FBXO8: variants seen among roughly 807,000 people sequenced by gnomAD.
The protein encoded by FBXO8 is F-box only protein 8.
FBXO8 carries 15 observed loss-of-function variants against 33.4 expected under a neutral mutation model. That is an observed-to-expected ratio of 0.45 (90% CI 0.30 to 0.69). The LOEUF (loss-of-function observed/expected upper bound fraction) is 0.69. Among genes scored for constraint, FBXO8 ranks in the 30% least tolerant of loss-of-function variants. The probability of loss-of-function intolerance (pLI) is 0.08; values close to 1 mark genes in which losing one functional copy is unlikely to be tolerated. For synonymous variants in FBXO8, 132 were observed against 131.5 expected (o/e 1.00, Z -0.02); for missense variants, 274 against 380.3 (o/e 0.72, Z 2.32).
At chr4:174,266,190 T>C (rs961420237) in intron 1 of FBXO8, among the ~76,000 whole-genome samples, 1 of 152,062 alleles carries the variant, frequency 6.6e-6, no homozygotes, top group Non-Finnish European at 1.5e-5. Context: ...CTGGATAATA[T>C]GATTCAGAAA....
At position 174,255,106 on chromosome 4, in the gene FBXO8, G is replaced by A. The variant is rs943256132; in HGVS notation, c.456+4593C>T. 6.6e-6 allele frequency among the ~76,000 whole-genome samples: 1 copy of A among 152,080 alleles called. No homozygotes were observed. The highest frequency in any genetic ancestry group is 6.6e-5 in the Admixed American group (1 of 15,240). On this transcript the variant is annotated intron_variant, in intron 3 of 5. Transcript: ENST00000393674. This position sits in a 1 kb window ranked among gnomAD's most constrained non-coding sequence, Gnocchi z 4.3. ...AAGCCAACTAATCATAATCTATCATGTTCAAATTAGACTTAAGAATTCCTT... is the reference window on the plus strand; with the variant it reads ...AAGCCAACTAATCATAATCTATCATATTCAAATTAGACTTAAGAATTCCTT...
intron 1 of FBXO8, among the ~76,000 whole-genome samples, chr4:174,276,639 C>T (rs1398427129): frequency 3.3e-5 from 5 of 152,082 alleles, no homozygotes; most frequent in Admixed American, 1.3e-4. Flanking sequence ...AGTGCAGTGG[C>T]GTGTAGATCT....
At position 174,247,339 on chromosome 4, in the gene FBXO8, T is replaced by C. The variant is rs1736183339; in HGVS notation, c.457-6121A>G. On this transcript the variant is annotated intron_variant, in intron 3 of 5. Coordinates refer to ENST00000393674, the MANE Select transcript of FBXO8 (RefSeq NM_012180.3). This position sits in a 1 kb window ranked among gnomAD's most constrained non-coding sequence, Gnocchi z 4.6. ...CCTAAAGAACAACATAGTAAAGAAATTTAGAAAAAAATTTGATTTAGCAAG... is the reference window on the plus strand; with the variant it reads ...CCTAAAGAACAACATAGTAAAGAAACTTAGAAAAAAATTTGATTTAGCAAG... Among the ~76,000 whole-genome samples the C allele has an allele frequency of 1.3e-5, 2 of 151,964 alleles. No individual in the cohort carries two copies. The highest frequency in any genetic ancestry group is 4.1e-4 in the South Asian group (2 of 4,824).
Position 174,281,582 on chromosome 4 carries a change from G to C in FBXO8, c.-9+1828C>G, listed in dbSNP as rs115516077. On this transcript the variant is annotated intron_variant, in intron 1 of 5. Transcript: ENST00000393674. The surrounding 1 kb of genome is among the most constrained non-coding windows in gnomAD (Gnocchi z 4.6). ...GTGTGCCTGTGGTCCCAGGTACTCT[G>C]AAGGCTGAGGTGGGAGGGAGAATTG... Among the ~76,000 whole-genome samples the C allele has an allele frequency of 8.9e-3, 1,361 of 152,226 alleles. 7 individuals are homozygous for C. Among genetic ancestry groups the C allele is most frequent in the Non-Finnish European group, 0.014 (977 of 68,004 alleles).
At position 174,267,471 on chromosome 4, in the gene FBXO8, C is replaced by CAGG. The variant is rs566956831; in HGVS notation, c.-8-4374_-8-4372dup. On this transcript the variant is annotated intron_variant, in intron 1 of 5. Transcript: ENST00000393674. The surrounding 1 kb of genome is among the most constrained non-coding windows in gnomAD (Gnocchi z 4.7). The stretch of plus-strand genomic sequence containing the variant: ...CTGAGGCAGGAAGATCACTTGAGCT[C>CAGG]AGGAGTTTGAGGTTATAGTGAGCTA... 3.3e-5 allele frequency among the ~76,000 whole-genome samples: 5 copies of CAGG among 152,198 alleles called. No homozygotes were observed. The East Asian group carries it at 9.6e-4, about 29-fold the overall frequency.
Position 174,252,253 on chromosome 4 carries a change from G to A in FBXO8, c.456+7446C>T, listed in dbSNP as rs1736303351. Among the ~76,000 whole-genome samples, 1 of 152,072 alleles carries A rather than the reference G, an allele frequency of 6.6e-6. No homozygotes were observed. The highest frequency in any genetic ancestry group is 1.9e-4 in the East Asian group (1 of 5,192). ...CAAATTGCTAGGATGACAGGTGTGA[G>A]CCACTGACTGTACCCAGTTAGCAAT... is the stretch of plus-strand genomic sequence containing the variant. On this transcript the variant is annotated intron_variant, in intron 3 of 5. Transcript: ENST00000393674. This position sits in a 1 kb window ranked among gnomAD's most constrained non-coding sequence, Gnocchi z 5.1.
rs1736144383 is a variant in FBXO8, at chr4:174,245,759, C to A, written c.457-4541G>T. ...AAAAATAAATAGATAGCGGGCTATA[C>A]AACTGTATATGTTACATATATGTTA... On this transcript the variant is annotated intron_variant, in intron 3 of 5. Transcript: ENST00000393674. This position sits in a 1 kb window ranked among gnomAD's most constrained non-coding sequence, Gnocchi z 4.6. Among the ~76,000 whole-genome samples the A allele has an allele frequency of 6.6e-6, 1 of 151,864 alleles. No homozygotes were observed. Among genetic ancestry groups the A allele is most frequent in the South Asian group, 2.1e-4 (1 of 4,808 alleles).
rs1737004540 is a variant in FBXO8, at chr4:174,278,517, A to G, written c.-9+4893T>C. Among the ~76,000 whole-genome samples the G allele has an allele frequency of 6.6e-6, 1 of 152,134 alleles. No individual in the cohort carries two copies. Among genetic ancestry groups the G allele is most frequent in the Non-Finnish European group, 1.5e-5 (1 of 67,968 alleles). On this transcript the variant is annotated intron_variant, in intron 1 of 5. Transcript: ENST00000393674. The surrounding 1 kb of genome is among the most constrained non-coding windows in gnomAD (Gnocchi z 4.1). ...ATTCAATTTCTGTGGTTTGTTTTTC[A>G]AGAAATGCTCCATTGTCCAACTATT...
At position 174,263,141 on chromosome 4, in the gene FBXO8, A is replaced by T; in HGVS notation, c.-8-41T>A. 1 of 1,547,172 alleles carries T rather than the reference A, an allele frequency of 6.5e-7. No individual in the cohort carries two copies. Among genetic ancestry groups the T allele is most frequent in the East Asian group, 2.3e-5 (1 of 43,804 alleles). ...AATGTAATAAGGGTGACATTTAAAA[A>T]GTAACCCATTTTTCCCAGTGGTATA... is the stretch of plus-strand genomic sequence containing the variant. On this transcript the variant is annotated intron_variant, in intron 1 of 5. Coordinates refer to ENST00000393674, the MANE Select transcript of FBXO8 (RefSeq NM_012180.3). The surrounding 1 kb of genome is among the most constrained non-coding windows in gnomAD (Gnocchi z 4.2).
chr4:174,238,993 C>A lies in FBXO8; in HGVS notation c.772+1G>T. The A allele has an allele frequency of 3.9e-6, 6 of 1,540,494 alleles. No individual in the cohort carries two copies. The highest frequency in any genetic ancestry group is 5.3e-6 in the Non-Finnish European group (6 of 1,140,900). ...TGTACTATTAATATATATATTCTTA[C>A]CAGGACTAAGGCCAAGTTCTCGCAT... is the stretch of plus-strand genomic sequence containing the variant. On this transcript the variant is annotated splice_donor_variant, in intron 5 of 5. Transcript: ENST00000393674. LOFTEE classifies it high-confidence loss of function.
rs1200460787 is a variant in FBXO8, at chr4:174,265,058, A to G, written c.-8-1958T>C. The stretch of plus-strand genomic sequence containing the variant: ...ATGTCGTGAGGGAACTGAAAATAAC[A>G]TAACTATGAGATACTACTACACACC... On this transcript the variant is annotated intron_variant, in intron 1 of 5. Transcript: ENST00000393674. This position sits in a 1 kb window ranked among gnomAD's most constrained non-coding sequence, Gnocchi z 4.7. 2.0e-5 allele frequency among the ~76,000 whole-genome samples: 3 copies of G among 152,158 alleles called. No individual in the cohort carries two copies. The highest frequency in any genetic ancestry group is 4.8e-5 in the African/African-American group (2 of 41,448).
rs764657780 is a variant in FBXO8 at position 174,241,994 on chromosome 4, C to T, written c.457-776G>A. 2.1e-4 allele frequency among the ~76,000 whole-genome samples: 32 copies of T among 151,512 alleles called. No individual in the cohort carries two copies. Among genetic ancestry groups the T allele is most frequent in the Non-Finnish European group, 3.4e-4 (23 of 67,610 alleles). On this transcript the variant is annotated intron_variant, in intron 3 of 5. Transcript: ENST00000393674. The surrounding 1 kb of genome is among the most constrained non-coding windows in gnomAD (Gnocchi z 4.2). Reference sequence around the variant, plus strand: ...CAACAAAAAAATCAAATGCTGAAAACAGTATTCTCTCACATATACAGAGGT... The same window carrying T: ...CAACAAAAAAATCAAATGCTGAAAATAGTATTCTCTCACATATACAGAGGT...
intron 1 of FBXO8, among the ~76,000 whole-genome samples, chr4:174,268,349 A>G (rs535081351): frequency 9.8e-5 from 15 of 152,314 alleles, no homozygotes; most frequent in Non-Finnish European, 1.9e-4. Context: ...CTTATCTAAC[A>G]TGTATTTTAT....
intron 3 of FBXO8, among the ~76,000 whole-genome samples, chr4:174,242,379 A>AG (rs1310963027): frequency 1.3e-5 from 2 of 151,672 alleles, no homozygotes; most frequent in East Asian, 3.9e-4. Flanking sequence ...TTAAGTAATT[A>AG]GGTACCACGA....
rs1737187076 is a variant in FBXO8, at chr4:174,283,317, TG to T, written c.-9+92del. ...TGCTGGTCGGCCAGTTTCGGCCAAC[TG>T]GCAAGCACTGGTTGTCTTTATTTTC... On this transcript the variant is annotated intron_variant, in intron 1 of 5. Transcript: ENST00000393674. The surrounding 1 kb of genome is among the most constrained non-coding windows in gnomAD (Gnocchi z 6.7). 6.5e-6 allele frequency: 1 copy of T among 152,686 alleles called. No homozygotes were observed. Among genetic ancestry groups the T allele is most frequent in the Admixed American group, 6.5e-5 (1 of 15,288 alleles). The allele number at this position is 152,686 out of a possible 1,614,324, so 9.5% of individuals were successfully genotyped here.
intron 4 of FBXO8, among the ~76,000 whole-genome samples, chr4:174,239,636 T>C (rs898015756): frequency 2.6e-5 from 4 of 151,888 alleles, no homozygotes; most frequent in Admixed American, 2.6e-4. Flanking sequence ...TGCCTACATA[T>C]GCTATATATT....
chr4:174,243,764 G>A (rs989056366), intron 3 of FBXO8, among the ~76,000 whole-genome samples: 4 of 150,898 alleles, frequency 2.7e-5, no homozygotes, highest in African/African-American at 9.7e-5. Context: ...GTATGTGCAT[G>A]GACATCTGTG....
At chr4:174,243,109 A>C (rs1356141990) in intron 3 of FBXO8, among the ~76,000 whole-genome samples, 1 of 151,574 alleles carries the variant, frequency 6.6e-6, no homozygotes, top group Non-Finnish European at 1.5e-5. Context: ...ATAGTTATAA[A>C]TTAACACTGG....
rs548982224 is a variant in FBXO8, at chr4:174,262,641, G to A, written c.329+123C>T. 9.6e-4 allele frequency: 733 copies of A among 763,098 alleles called. 2 individuals are homozygous for A. The highest frequency in any genetic ancestry group is 2.7e-3 in the Middle Eastern group (7 of 2,590). 47.3% of individuals were successfully genotyped at this position (763,098 alleles called of 1,614,324 possible). A position where few individuals can be genotyped will look rare whatever the true frequency, so the allele number is the denominator to read the frequency against. The stretch of plus-strand genomic sequence containing the variant: ...GTATATTTTTCCAGGTTTTAATAAA[G>A]AGCATCTCAAAGTACAAGCCCAAGT... On this transcript the variant is annotated intron_variant, in intron 2 of 5. Coordinates refer to ENST00000393674, the MANE Select transcript of FBXO8 (RefSeq NM_012180.3). The surrounding 1 kb of genome is among the most constrained non-coding windows in gnomAD (Gnocchi z 4.6).
Sources: gnomAD v4.1 joint callset for allele counts (sites outside exome capture counted in the v4.1 genomes callset) on GRCh38, gnomAD v4.1.1 for gene constraint, Gnocchi (gnomAD v3.1) non-coding constraint, MANE v1.5 for transcripts, NCBI Gene and HGNC (gene_info 2026-07-23, HGNC 2026-07-21) for gene names.